Variants in LRRFIP1 observed in about 807,000 individuals in gnomAD.
LRRFIP1 encodes LRR binding FLII interacting protein 1.
Under a neutral mutation model 104.4 loss-of-function variants are expected in LRRFIP1, and 62 were observed. That is an observed-to-expected ratio of 0.59 (90% CI 0.48 to 0.73). The LOEUF (loss-of-function observed/expected upper bound fraction) is 0.73, where lower values mean the gene tolerates loss of function less well. Ranked by LOEUF, LRRFIP1 falls within the 30% of genes least tolerant of loss-of-function variation. The pLI, the probability that LRRFIP1 is intolerant of heterozygous loss-of-function variation, is 0.00. For synonymous variants in LRRFIP1, 300 were observed against 299.0 expected, an observed-to-expected ratio of 1.00 and a Z score of -0.03; for missense variants, 796 against 824.5, an observed-to-expected ratio of 0.97 and a Z score of 0.42.
chr2:237,729,656 C>T (rs2094916135), intron 8 of LRRFIP1: 1 of 196,702 alleles, frequency 5.1e-6, no homozygotes, highest in Non-Finnish European at 9.2e-6. Flanking sequence ...AACTAGCGTT[C>T]CTGGGCTCCT....
At chr2:237,764,160 G>A (rs368055285) in intron 19 of LRRFIP1, 30 of 1,613,858 alleles carry the variant, frequency 1.9e-5, no homozygotes, top group African/African-American at 5.3e-5. Flanking sequence ...GGCGGCAGGC[G>A]CGGTGCACAG....
At chr2:237,774,765 G>A (rs971073728) in intron 23 of LRRFIP1, among the ~76,000 whole-genome samples, 1 of 152,218 alleles carries the variant, frequency 6.6e-6, no homozygotes, top group African/African-American at 2.4e-5. Context: ...CTTATGCTCC[G>A]AATATTTTTT....
chr2:237,640,937 G>C (rs1021946107), intron 1 of LRRFIP1, among the ~76,000 whole-genome samples: 1 of 152,172 alleles, frequency 6.6e-6, no homozygotes, highest in African/African-American at 2.4e-5. Flanking sequence ...GGGACAGGAA[G>C]GGACCATTAA....
At chr2:237,723,444 G>T (rs2094605904) in intron 6 of LRRFIP1, 104 bp from the exon 7 acceptor site, 5 of 1,143,570 alleles carry the variant, frequency 4.4e-6, no homozygotes, top group Non-Finnish European at 6.5e-6. Flanking sequence ...TTTTTGTTAA[G>T]ATTTTAAAGA....
Position 237,627,750 on chromosome 2 carries a change from C to G in LRRFIP1, c.96+10C>G. 4.8e-6 allele frequency: 6 copies of G among 1,240,886 alleles called. No individual in the cohort carries two copies. The highest frequency in any genetic ancestry group is 6.1e-6 in the Non-Finnish European group (6 of 985,844). 76.9% of individuals were successfully genotyped at this position (1,240,886 alleles called of 1,614,324 possible). A position where few individuals can be genotyped will look rare whatever the true frequency, so the allele number is the denominator to read the frequency against. ...CCAGATCGCGCGGGAGGTGAGCGCTCCGGGAGGGCAGCCGGGGGGCGCCGG... is the reference window on the plus strand; with the variant it reads ...CCAGATCGCGCGGGAGGTGAGCGCTGCGGGAGGGCAGCCGGGGGGCGCCGG... On this transcript the variant is annotated intron_variant, in intron 1 of 23. Coordinates refer to ENST00000308482, the MANE Select transcript of LRRFIP1 (RefSeq NM_001137550.2).
At chr2:237,706,599 C>T (rs1448611429) in intron 1 of LRRFIP1, among the ~76,000 whole-genome samples, 1 of 152,166 alleles carries the variant, frequency 6.6e-6, no homozygotes, top group Non-Finnish European at 1.5e-5. Context: ...TTCTCTGTCT[C>T]CTCCCTCTTT....
At chr2:237,730,104 T>G (rs1233038421) in intron 8 of LRRFIP1, among the ~76,000 whole-genome samples, 3 of 152,208 alleles carry the variant, frequency 2.0e-5, no homozygotes, top group Non-Finnish European at 2.9e-5. Context: ...AAAGGACGTG[T>G]TTTTGTGTAT....
intron 1 of LRRFIP1, among the ~76,000 whole-genome samples, chr2:237,668,676 A>C (rs2089892581): frequency 1.3e-5 from 2 of 151,540 alleles, no homozygotes; most frequent in African/African-American, 4.8e-5. Flanking sequence ...TGGGGTAGGA[A>C]CATTCACACT....
At chr2:237,765,299 A>G (rs1456070158) in intron 19 of LRRFIP1, 4 of 189,800 alleles carry the variant, frequency 2.1e-5, no homozygotes, top group Non-Finnish European at 2.9e-5. Flanking sequence ...ACACAACACA[A>G]TGTTTTCACG....
chr2:237,716,705 C>T (rs1013855435), intron 3 of LRRFIP1, among the ~76,000 whole-genome samples: 14 of 152,172 alleles, frequency 9.2e-5, no homozygotes, highest in African/African-American at 2.7e-4. Flanking sequence ...TATAATGATA[C>T]GGAAGTTTGC....
At chr2:237,753,821 G>GT (rs2058932555) in intron 15 of LRRFIP1, among the ~76,000 whole-genome samples, 2 of 132,954 alleles carry the variant, frequency 1.5e-5, no homozygotes, top group African/African-American at 5.6e-5. Context: ...GGAATGGTAG[G>GT]GTGTGTGTGT....
intron 11 of LRRFIP1, among the ~76,000 whole-genome samples, chr2:237,740,103 CAT>C (rs1183176982): frequency 3.9e-5 from 6 of 152,068 alleles, no homozygotes; most frequent in African/African-American, 1.4e-4. Context: ...CGTCTCCACT[CAT>C]ATCAAAATTT....
intron 13 of LRRFIP1, 107 bp downstream of exon 13, chr2:237,749,431 T>G: frequency 7.4e-7 from 1 of 1,346,448 alleles, no homozygotes; most frequent in East Asian, 2.5e-5. Context: ...TCTTTCTTCT[T>G]GGTCCTCTCT....
chr2:237,673,840 G>A (rs1217049169), intron 1 of LRRFIP1, among the ~76,000 whole-genome samples: 1 of 152,298 alleles, frequency 6.6e-6, no homozygotes, highest in East Asian at 1.9e-4. Context: ...CGGGCGGAGA[G>A]GTGGGCGGAG....
At position 237,757,464 on chromosome 2, in the gene LRRFIP1, A is replaced by G; in HGVS notation, c.1140A>G (p.Arg380=). The G allele has an allele frequency of 6.3e-7, 1 of 1,589,312 alleles. No homozygotes were observed. The highest frequency in any genetic ancestry group is 1.2e-5 in the South Asian group (1 of 86,646). The change falls in exon 17 of 24, where the codon CGA becomes CGG. Residue 380 remains arginine, a synonymous_variant. Coordinates refer to ENST00000308482, the MANE Select transcript of LRRFIP1 (RefSeq NM_001137550.2). ...TCTGTTCCTTTCCTCAGGAAATCCG[A>G]CAGCTACAGCAGAAACAGGCGAGTT... The part of the protein sequence containing the change: ...KQREEMLEEI[R]QLQQKQASSI...
intron 8 of LRRFIP1, among the ~76,000 whole-genome samples, chr2:237,731,506 G>A (rs1311123301): frequency 1.3e-5 from 2 of 151,384 alleles, no homozygotes; most frequent in Admixed American, 6.6e-5. Flanking sequence ...CCCCCAATAT[G>A]TGAATTTTGA....
chr2:237,722,167 T>C (rs2094558835), intron 6 of LRRFIP1: 1 of 152,096 alleles, frequency 6.6e-6, no homozygotes, highest in Admixed American at 6.5e-5. Flanking sequence ...TCAGTCACTT[T>C]GGCAGGAGAA....
intron 17 of LRRFIP1, 114 bp from the exon 18 acceptor site, chr2:237,758,615 C>T: frequency 1.5e-6 from 1 of 680,084 alleles, no homozygotes; most frequent in Non-Finnish European, 2.6e-6. Flanking sequence ...TCTTTAATGT[C>T]TAGAGTCCAC....
chr2:237,768,083 G>T (rs1308615918), intron 19 of LRRFIP1: 1 of 152,222 alleles, frequency 6.6e-6, no homozygotes, highest in African/African-American at 2.4e-5. Flanking sequence ...GTCTACCGGT[G>T]ATGTGCCACT....
Sources: allele counts gnomAD v4.1 joint callset (sites outside exome capture counted in the v4.1 genomes callset), GRCh38; gene constraint gnomAD v4.1.1; transcripts MANE v1.5; gene names NCBI Gene and HGNC (gene_info 2026-07-23, HGNC 2026-07-21).